The following CCDC178 variants were observed in gnomAD, a reference collection of about 807,000 sequenced individuals.
The protein encoded by CCDC178 is coiled-coil domain-containing protein 178.
Under a neutral mutation model 117.4 loss-of-function variants are expected in CCDC178, and 126 were observed. The observed-to-expected ratio is 1.07, with a 90% CI of 0.93 to 1.24. The LOEUF (loss-of-function observed/expected upper bound fraction) is 1.24, where lower values mean the gene tolerates loss of function less well. Ranked by LOEUF, CCDC178 falls within the 50% of genes most tolerant of loss-of-function variation. CCDC178 has a pLI of 0.00. For missense variants in CCDC178, 1,030 were observed against 986.9 expected, an observed-to-expected ratio of 1.04 and a Z score of -0.59; for synonymous variants, 283 against 313.4, an observed-to-expected ratio of 0.90 and a Z score of 1.02.
intron 5 of CCDC178, among the ~76,000 whole-genome samples, chr18:33,383,912 C>T (rs555693810): frequency 7.2e-5 from 11 of 152,036 alleles, no homozygotes; most frequent in African/African-American, 1.7e-4. Context: ...TAATGAATTT[C>T]GCTGAGCTAA....
chr18:33,083,227 G>A (rs2057324643), intron 21 of CCDC178, among the ~76,000 whole-genome samples: 1 of 152,170 alleles, frequency 6.6e-6, no homozygotes, highest in Admixed American at 6.5e-5. Context: ...TCATAGCTAG[G>A]AAGCAAAAGG....
chr18:33,123,024 A>G (rs1341147593), intron 20 of CCDC178, among the ~76,000 whole-genome samples: 1 of 152,122 alleles, frequency 6.6e-6, no homozygotes, highest in Admixed American at 6.6e-5. Context: ...AATAAGTATC[A>G]CAGTCTCCAG....
intron 15 of CCDC178, among the ~76,000 whole-genome samples, chr18:33,244,311 G>A (rs960178709): frequency 1.3e-5 from 2 of 151,908 alleles, no homozygotes; most frequent in Non-Finnish European, 2.9e-5. Context: ...ATGGATGAAA[G>A]CAGCCTGTTG....
At chr18:33,107,618 A>G (rs271437) in intron 20 of CCDC178, among the ~76,000 whole-genome samples, 24,306 of 151,522 alleles carry the variant, frequency 0.16, 2,732 homozygotes, top group African/African-American at 0.32. Context: ...CTGTAATACA[A>G]TTTTACATGC....
chr18:33,383,991 C>G (rs59392926), intron 5 of CCDC178, among the ~76,000 whole-genome samples: 24 of 151,894 alleles, frequency 1.6e-4, no homozygotes, highest in African/African-American at 5.8e-4. Flanking sequence ...GCTGTTAACT[C>G]GAATAACCAG....
At chr18:32,946,065 G>T (rs1360417462) in intron 22 of CCDC178, among the ~76,000 whole-genome samples, 1 of 152,016 alleles carries the variant, frequency 6.6e-6, no homozygotes, top group Admixed American at 6.6e-5. Flanking sequence ...CTTGGTGTTT[G>T]GAATAGGCAT....
intron 6 of CCDC178, among the ~76,000 whole-genome samples, chr18:33,369,500 T>A (rs778352606): frequency 2.6e-5 from 4 of 152,008 alleles, no homozygotes; most frequent in Non-Finnish European, 5.9e-5. Context: ...ATAAAAGGTA[T>A]GAGAAGTGGT....
At chr18:33,260,990 A>G (rs145523448) in intron 14 of CCDC178, among the ~76,000 whole-genome samples, 2 of 152,288 alleles carry the variant, frequency 1.3e-5, no homozygotes, top group East Asian at 3.9e-4. Context: ...AAATGGTATT[A>G]TAATTTCCGA....
chr18:33,159,581 T>C (rs979540279), intron 20 of CCDC178, among the ~76,000 whole-genome samples: 1 of 152,126 alleles, frequency 6.6e-6, no homozygotes, highest in African/African-American at 2.4e-5. Flanking sequence ...TTGTCAAATC[T>C]CTGTGCCTCT....
At chr18:33,395,314 G>A (rs1337526722) in intron 4 of CCDC178, among the ~76,000 whole-genome samples, 2 of 151,592 alleles carry the variant, frequency 1.3e-5, no homozygotes, top group Non-Finnish European at 2.9e-5. Context: ...GCTTCAACAA[G>A]CTTCAAAGGG....
chr18:32,956,605 A>C (rs1335854118), intron 22 of CCDC178: 1 of 152,238 alleles, frequency 6.6e-6, no homozygotes, highest in Non-Finnish European at 1.5e-5. Context: ...TTTATCTACA[A>C]AATGGACCTA....
chr18:33,411,526 T>C (rs1437979041), intron 3 of CCDC178, among the ~76,000 whole-genome samples: 1 of 148,308 alleles, frequency 6.7e-6, no homozygotes, highest in Non-Finnish European at 1.5e-5. Context: ...GAATAAAAGA[T>C]GTCAGAGCTC....
intron 20 of CCDC178, among the ~76,000 whole-genome samples, chr18:33,139,769 T>C (rs1413828987): frequency 6.6e-6 from 1 of 152,094 alleles, no homozygotes; most frequent in Admixed American, 6.5e-5. Context: ...AAAAACCCAT[T>C]TTCTGAGGAG....
chr18:33,165,900 GA>G (rs779753750), intron 20 of CCDC178, among the ~76,000 whole-genome samples: 38 of 151,620 alleles, frequency 2.5e-4, no homozygotes, highest in Middle Eastern at 3.4e-3. Context: ...ACTTTCAATG[GA>G]AAAAAAAGCA....
At chr18:33,417,153 C>T (rs920940623) in intron 2 of CCDC178, among the ~76,000 whole-genome samples, 7 of 152,230 alleles carry the variant, frequency 4.6e-5, no homozygotes, top group Admixed American at 2.0e-4. Context: ...ATATTCTTAG[C>T]AGTTTTGTCC....
At chr18:33,325,914 T>C (rs1321149713) in intron 10 of CCDC178, among the ~76,000 whole-genome samples, 1 of 152,226 alleles carries the variant, frequency 6.6e-6, no homozygotes, top group Non-Finnish European at 1.5e-5. Context: ...CACAATGTTG[T>C]GCCAACATCA....
chr18:33,071,220 T>G (rs1227003829), intron 21 of CCDC178, among the ~76,000 whole-genome samples: 1 of 152,006 alleles, frequency 6.6e-6, no homozygotes, highest in African/African-American at 2.4e-5. Flanking sequence ...GGTGGACGCA[T>G]AGAGGAATGA....
chr18:33,016,704 T>G (rs922503278), intron 21 of CCDC178, among the ~76,000 whole-genome samples: 2 of 152,096 alleles, frequency 1.3e-5, no homozygotes, highest in Non-Finnish European at 2.9e-5. Context: ...TAGATTGTTA[T>G]AAGCAAAGAT....
chr18:33,086,198 A>G (rs2057375833), intron 21 of CCDC178, among the ~76,000 whole-genome samples: 1 of 152,014 alleles, frequency 6.6e-6, no homozygotes, highest in African/African-American at 2.4e-5. Flanking sequence ...AAAGAAAGTC[A>G]GCATTCTGGA....
Sources: gnomAD v4.1 joint callset for allele counts (sites outside exome capture counted in the v4.1 genomes callset) on GRCh38, gnomAD v4.1.1 for gene constraint, MANE v1.5 for transcripts, NCBI Gene and HGNC (gene_info 2026-07-23, HGNC 2026-07-21) for gene names.